The following PLXNA1 variants were observed in gnomAD, a reference collection of about 807,000 sequenced individuals.
The protein encoded by PLXNA1 is plexin A1.
In PLXNA1, 77 loss-of-function variants were observed where a neutral mutation model predicts 191.7. The ratio of observed to expected loss-of-function variants is 0.40; its 90% CI spans 0.33 to 0.49. PLXNA1 has a LOEUF of 0.49. Ranked by LOEUF, PLXNA1 falls within the 20% of genes least tolerant of loss-of-function variation. The pLI, the probability that PLXNA1 is intolerant of heterozygous loss-of-function variation, is 0.63. For synonymous variants in PLXNA1, 1,137 were observed against 1,156.4 expected (o/e 0.98, Z 0.34); for missense variants, 2,110 against 2,660.2 (o/e 0.79, Z 4.55).
chr3:127,030,421 G>C lies in PLXNA1; in HGVS notation c.5231+9G>C, dbSNP rs373192365. On this transcript the variant is annotated intron_variant, in intron 29 of 31. Transcript: ENST00000393409. ...ACCTGGAAGAGCAACTGGTAATGCA[G>C]GGCAGGGGGAGGAGGGGCATCCCCC... 1.2e-6 allele frequency: 2 copies of C among 1,613,494 alleles called. No homozygotes were observed. The highest frequency in any genetic ancestry group is 1.7e-6 in the Non-Finnish European group (2 of 1,179,856).
Position 127,017,562 on chromosome 3 carries a change from G to C in PLXNA1, c.3414G>C (p.Val1138=). 1 of 1,613,730 alleles carries C rather than the reference G, an allele frequency of 6.2e-7. No individual in the cohort carries two copies. The highest frequency in any genetic ancestry group is 1.1e-5 in the South Asian group (1 of 91,080). The change falls in exon 18 of 32, where the codon GTG becomes GTC. Residue 1138 remains valine (V), a synonymous_variant. Transcript: ENST00000393409. ...TGGACAACGTGCGCTCCCTGCTTGT[G>C]CTCAACTCCACCTCCTTCCTCTACT... is the stretch of plus-strand genomic sequence containing the variant. ...FVMDNVRSLL[V]LNSTSFLYYP...
intron 18 of PLXNA1, 32 bp from the exon 19 acceptor site, chr3:127,017,717 C>T (rs1222324098): frequency 6.2e-7 from 1 of 1,613,260 alleles, no homozygotes; most frequent in Non-Finnish European, 8.5e-7. Context: ...GGCCCCTCGT[C>T]CTGGGCTCTG....
chr3:127,005,942 G>T, intron 7 of PLXNA1, 137 bp from the exon 8 acceptor site: 1 of 720,102 alleles, frequency 1.4e-6, no homozygotes, highest in Non-Finnish European at 2.5e-6. Context: ...GGGGCTGAGG[G>T]GGCTGGATGC....
chr3:127,027,354 G>A (rs1321546731), intron 23 of PLXNA1: 1 of 336,242 alleles, frequency 3.0e-6, no homozygotes, highest in Non-Finnish European at 5.8e-6. Context: ...GAACCTCCCT[G>A]GGTGGGCAAG....
intron 27 of PLXNA1, 108 bp downstream of exon 27, chr3:127,029,644 A>G (rs1364497649): frequency 7.9e-7 from 1 of 1,260,324 alleles, no homozygotes; most frequent in Non-Finnish European, 1.1e-6. Context: ...ACCCAGGGGC[A>G]GGTGTCAAGC....
chr3:127,029,139 T>A, intron 26 of PLXNA1, 43 bp downstream of exon 26: 1 of 1,482,938 alleles, frequency 6.7e-7, no homozygotes, highest in Non-Finnish European at 9.4e-7. Flanking sequence ...CTCCCTCCCC[T>A]TGGGGCTTCC....
At chr3:126,993,827 C>T (rs1411838326) in intron 3 of PLXNA1, among the ~76,000 whole-genome samples, 1 of 152,210 alleles carries the variant, frequency 6.6e-6, no homozygotes, top group Non-Finnish European at 1.5e-5. Flanking sequence ...GGTGAAGAAC[C>T]TGCCGCCTGT....
Position 127,018,406 on chromosome 3 carries a change from T to C in PLXNA1, c.3773T>C (p.Leu1258Pro). The C allele has an allele frequency of 3.7e-6, 6 of 1,613,074 alleles. No homozygotes were observed. Among genetic ancestry groups the C allele is most frequent in the Non-Finnish European group, 5.1e-6 (6 of 1,179,998 alleles). The change falls in exon 20 of 32, where the codon CTG becomes CCG. Residue 1258 changes from leucine to proline, a missense_variant. Physicochemically the swap from Leu to Pro is moderately conservative, Grantham distance 98 (BLOSUM62 -3). This residue lies in a region of PLXNA1 where 559 missense variants were observed against 911.5 expected (regional missense o/e 0.61). Coordinates refer to ENST00000393409, the MANE Select transcript of PLXNA1 (RefSeq NM_032242.4). ...GGCGGAGGCGGGGGTCTCCTGCTGCTGGTCATCGTGGCTGTGCTCATCGCC... is the reference window on the plus strand; with the variant it reads ...GGCGGAGGCGGGGGTCTCCTGCTGCCGGTCATCGTGGCTGTGCTCATCGCC... Reference protein sequence around the residue: ...GIGGGGGLLLLVIVAVLIAYK... With the variant: ...GIGGGGGLLLPVIVAVLIAYK...
rs1319266861 is a variant in PLXNA1 at position 126,991,442 on chromosome 3, C to T, written c.1253C>T (p.Thr418Ile). The T allele has an allele frequency of 5.0e-6, 8 of 1,612,806 alleles. No individual in the cohort carries two copies. The Admixed American group carries it at 8.3e-5, about 17-fold the overall frequency. The change falls in exon 3 of 32, where the codon ACA becomes ATA. Residue 418 changes from threonine (T) to isoleucine (I), a missense_variant. Physicochemically the swap from Thr to Ile is moderately conservative, Grantham distance 89. Coordinates refer to ENST00000393409, the MANE Select transcript of PLXNA1 (RefSeq NM_032242.4). ...GACTTCAACCAGCCCCTGGGGGGCA[C>T]AGTCACCATTGAGGGGACGCCCCTG... Reference protein sequence around the residue: ...GQDFNQPLGGTVTIEGTPLFV... With the variant: ...GQDFNQPLGGIVTIEGTPLFV...
At chr3:127,029,789 T>A (rs2079197550) in intron 27 of PLXNA1, 85 bp from the exon 28 acceptor site, 2 of 1,418,524 alleles carry the variant, frequency 1.4e-6, no homozygotes, top group African/African-American at 1.4e-5. Context: ...GGGGGTGCCA[T>A]CCCCAGCTTT....
At chr3:127,009,364 T>C (rs115814830) in intron 9 of PLXNA1, among the ~76,000 whole-genome samples, 1 of 151,384 alleles carries the variant, frequency 6.6e-6, no homozygotes, top group East Asian at 2.0e-4. Flanking sequence ...GGCCTCAGGG[T>C]TGGGGAGGCA....
At chr3:126,998,751 TGGA>T (rs1400172979) in intron 3 of PLXNA1, among the ~76,000 whole-genome samples, 60 of 152,312 alleles carry the variant, frequency 3.9e-4, no homozygotes, top group African/African-American at 1.4e-3. Context: ...TGGGGCAGGC[TGGA>T]GCCTGTCTAA....
At chr3:126,984,454 G>A (rs535583067) in intron 1 of PLXNA1, among the ~76,000 whole-genome samples, 153 of 152,360 alleles carry the variant, frequency 1.0e-3, no homozygotes, top group Non-Finnish European at 1.8e-3. Flanking sequence ...CCCTTGAGGA[G>A]CTTGCCTCAG....
chr3:127,025,376 C>T (rs868110157), intron 23 of PLXNA1, among the ~76,000 whole-genome samples: 2 of 152,128 alleles, frequency 1.3e-5, no homozygotes. Context: ...TTGAAGGTTC[C>T]TTTATTTATT....
chr3:126,989,643 G>A lies in PLXNA1; in HGVS notation c.1050G>A (p.Lys350=). The A allele has an allele frequency of 6.2e-7, 1 of 1,613,134 alleles. No individual in the cohort carries two copies. Among genetic ancestry groups the A allele is most frequent in the Non-Finnish European group, 8.5e-7 (1 of 1,179,966 alleles). ...VFAQGQKNRV[K]PPKESALCLF... The stretch of plus-strand genomic sequence containing the variant: ...CCCAGGGCCAGAAGAACCGCGTGAA[G>A]CCACCAAAGGAGTCAGCACTGTGCC... The change falls in exon 2 of 32, where the codon AAG becomes AAA. Residue 350 remains lysine, a synonymous_variant. Coordinates refer to ENST00000393409, the MANE Select transcript of PLXNA1 (RefSeq NM_032242.4).
chr3:127,005,419 C>T (rs1417670586), intron 7 of PLXNA1, among the ~76,000 whole-genome samples, 176 bp downstream of exon 7: 1 of 152,166 alleles, frequency 6.6e-6, no homozygotes, highest in African/African-American at 2.4e-5. Context: ...GAAAACCCTC[C>T]AGGCATGTAG....
At chr3:127,030,897 C>T (rs559194518) in intron 29 of PLXNA1, among the ~76,000 whole-genome samples, 1 of 152,334 alleles carries the variant, frequency 6.6e-6, no homozygotes, top group South Asian at 2.1e-4. Context: ...GCCACGGTCT[C>T]ACGGAGCAGC....
At chr3:127,020,712 G>A (rs964935558) in intron 21 of PLXNA1, among the ~76,000 whole-genome samples, 1 of 152,236 alleles carries the variant, frequency 6.6e-6, no homozygotes, top group African/African-American at 2.4e-5. Context: ...CCCGGTGGCT[G>A]CCCCTTGGGC....
intron 7 of PLXNA1, 39 bp from the exon 8 acceptor site, chr3:127,006,040 G>T (rs369105186): frequency 6.5e-6 from 10 of 1,535,890 alleles, no homozygotes; most frequent in African/African-American, 1.4e-5. Flanking sequence ...GGAGTCCTGG[G>T]CAAGCAGTCC....
Sources: allele counts gnomAD v4.1 joint callset (sites outside exome capture counted in the v4.1 genomes callset), GRCh38; gene constraint gnomAD v4.1.1; regional missense constraint gnomAD v4.1.1; transcripts MANE v1.5; gene names NCBI Gene and HGNC (gene_info 2026-07-23, HGNC 2026-07-21).